ZNF736: variants seen among roughly 807,000 people sequenced by gnomAD.
ZNF736 encodes zinc finger protein 736, also known as KRAB-containing zinc-finger repressor protein.
Under a neutral mutation model 11.7 loss-of-function variants are expected in ZNF736, and 6 were observed. The ratio of observed to expected loss-of-function variants is 0.51; its 90% CI spans 0.28 to 1.01. The LOEUF is 1.01. Ranked by LOEUF, ZNF736 falls within the 50% of genes least tolerant of loss-of-function variation. The pLI, the probability that ZNF736 is intolerant of heterozygous loss-of-function variation, is 0.09. For missense variants in ZNF736, 444 were observed against 496.0 expected (o/e 0.90, Z 1.00); for synonymous variants, 139 against 164.7 (o/e 0.84, Z 1.19).
chr7:64,352,634 A>T lies in ZNF736; in HGVS notation c.*3487A>T, dbSNP rs1789503045. ...CTGGTGGTGGTAGCTGGAGACCCTC[A>T]TTGGGAAGTACTTTCCAGTGAGAAG... On this transcript the variant is annotated 3_prime_UTR_variant, in exon 4 of 4. Coordinates refer to ENST00000423484, the MANE Select transcript of ZNF736 (RefSeq NM_001170905.3). The T allele has an allele frequency of 6.6e-6, 1 of 152,354 alleles. No homozygotes were observed. Among genetic ancestry groups the T allele is most frequent in the African/African-American group, 2.4e-5 (1 of 41,462 alleles). 9.4% of individuals were successfully genotyped at this position (152,354 alleles called of 1,614,324 possible). A position where few individuals can be genotyped will look rare whatever the true frequency, so the allele number is the denominator to read the frequency against.
chr7:64,327,358 T>A (rs1363937346), intron 1 of ZNF736, among the ~76,000 whole-genome samples: 1 of 152,212 alleles, frequency 6.6e-6, no homozygotes, highest in Non-Finnish European at 1.5e-5. Context: ...TGTTTCCATT[T>A]GCATGAAATA....
At position 64,336,270 on chromosome 7, in the gene ZNF736, A is replaced by G. The variant is rs1357442356; in HGVS notation, c.15A>G (p.Thr5=). Reference sequence around the variant, plus strand: ...GTTTTGTTTTCCAGGGAGTGTTGACATTCAGGGATGTGGCTGTAGAATTCT... The same window carrying G: ...GTTTTGTTTTCCAGGGAGTGTTGACGTTCAGGGATGTGGCTGTAGAATTCT... MGVL[T]FRDVAVEFSP... Residue 5 remains threonine (T), a synonymous_variant, in exon 2 of 4, where the codon ACA becomes ACG. Coordinates refer to ENST00000423484, the MANE Select transcript of ZNF736 (RefSeq NM_001170905.3). 6.8e-6 allele frequency: 11 copies of G among 1,612,352 alleles called. 1 individual carries two copies. The South Asian group carries it at 1.1e-4, about 16-fold the overall frequency.
intron 1 of ZNF736, among the ~76,000 whole-genome samples, chr7:64,315,551 A>C (rs1229503809): frequency 6.6e-6 from 1 of 152,072 alleles, no homozygotes; most frequent in Non-Finnish European, 1.5e-5. Context: ...GTTGTTTCTC[A>C]AAGTTAATAA....
intron 1 of ZNF736, among the ~76,000 whole-genome samples, chr7:64,319,532 G>A (rs1584264579): frequency 1.1e-5 from 1 of 92,338 alleles, no homozygotes. Context: ...GTCTTGCTCT[G>A]TTGCCCAGAC....
chr7:64,347,613 A>C (rs1217613602), intron 3 of ZNF736, among the ~76,000 whole-genome samples: 2 of 152,178 alleles, frequency 1.3e-5, no homozygotes, highest in African/African-American at 4.8e-5. Context: ...CTCTTGTAAC[A>C]GTCATTTACC....
chr7:64,355,591 C>G lies in ZNF736; in HGVS notation c.*6444C>G, dbSNP rs1789543407. On this transcript the variant is annotated 3_prime_UTR_variant, in exon 4 of 4. Transcript: ENST00000423484. ...TAGGGATGGGGTTTCACCATGTTAG[C>G]TAGGATGGTCTTGATCTCCTGACCT... 6.6e-6 allele frequency: 1 copy of G among 152,066 alleles called. No individual in the cohort carries two copies. 9.4% of individuals were successfully genotyped at this position (152,066 alleles called of 1,614,324 possible). A position where few individuals can be genotyped will look rare whatever the true frequency, so the allele number is the denominator to read the frequency against.
rs1262262199 is a variant in ZNF736, at chr7:64,348,615, A to T, written c.752A>T (p.His251Leu). ...SSTLVKHKRN[H>L]TGDRPYKCEE... ...ACCCTTGTTAAACACAAGAGAAATC[A>T]TACTGGAGACAGACCCTACAAATGT... Residue 251 changes from histidine to leucine, a missense_variant, in exon 4 of 4, where the codon CAT becomes CTT. By Grantham distance (99) the His-to-Leu change is moderately conservative. Coordinates refer to ENST00000423484, the MANE Select transcript of ZNF736 (RefSeq NM_001170905.3). 1 of 1,603,606 alleles carries T rather than the reference A, an allele frequency of 6.2e-7. No homozygotes were observed. Among genetic ancestry groups the T allele is most frequent in the Admixed American group, 1.7e-5 (1 of 58,318 alleles).
chr7:64,318,559 A>G (rs1199025263), intron 1 of ZNF736, among the ~76,000 whole-genome samples: 1 of 152,140 alleles, frequency 6.6e-6, no homozygotes, highest in African/African-American at 2.4e-5. Flanking sequence ...TCATAAAAGC[A>G]ATAAAGTTAA....
chr7:64,315,802 A>C (rs1272702014), intron 1 of ZNF736, among the ~76,000 whole-genome samples: 1 of 152,178 alleles, frequency 6.6e-6, no homozygotes, highest in Non-Finnish European at 1.5e-5. Flanking sequence ...CACATTCCCA[A>C]ATGCCAACTA....
In ZNF736 at chr7:64,349,854, C is replaced by A. The variant is rs1789462699; in HGVS notation, c.*707C>A. The A allele has an allele frequency of 6.6e-6, 1 of 152,124 alleles. No homozygotes were observed. Among genetic ancestry groups the A allele is most frequent in the Non-Finnish European group, 1.5e-5 (1 of 68,050 alleles). 9.4% of individuals were successfully genotyped at this position (152,124 alleles called of 1,614,324 possible). A position where few individuals can be genotyped will look rare whatever the true frequency, so the allele number is the denominator to read the frequency against. On this transcript the variant is annotated 3_prime_UTR_variant, in exon 4 of 4. Transcript: ENST00000423484. ...AGATATGAAATTCTGTGTTGGAATTCTTTTTTTAAGAATGTTGAATATTGG... is the reference window on the plus strand; with the variant it reads ...AGATATGAAATTCTGTGTTGGAATTATTTTTTTAAGAATGTTGAATATTGG...
chr7:64,318,006 C>T (rs1211555669), intron 1 of ZNF736, among the ~76,000 whole-genome samples: 7 of 151,768 alleles, frequency 4.6e-5, no homozygotes, highest in East Asian at 3.9e-4. Flanking sequence ...GTTTTAGTTA[C>T]GAATCTTGGG....
intron 1 of ZNF736, among the ~76,000 whole-genome samples, chr7:64,314,692 G>T (rs1270677877): frequency 1.3e-5 from 2 of 152,146 alleles, no homozygotes; most frequent in Non-Finnish European, 2.9e-5. Context: ...AGCCCCCCAA[G>T]TAGCTAGGAC....
At chr7:64,331,710 G>A (rs568620839) in intron 1 of ZNF736, among the ~76,000 whole-genome samples, 5 of 152,278 alleles carry the variant, frequency 3.3e-5, no homozygotes, top group African/African-American at 7.2e-5. Context: ...AATCACGAGC[G>A]CTTTCAGATA....
At chr7:64,330,957 C>G (rs1789157490) in intron 1 of ZNF736, among the ~76,000 whole-genome samples, 2 of 152,304 alleles carry the variant, frequency 1.3e-5, no homozygotes, top group African/African-American at 2.4e-5. Flanking sequence ...CTTCTCTCCC[C>G]TTTCCTCAAG....
intron 3 of ZNF736, among the ~76,000 whole-genome samples, chr7:64,344,222 A>G (rs554580074): frequency 6.6e-6 from 1 of 152,296 alleles, no homozygotes; most frequent in African/African-American, 2.4e-5. Flanking sequence ...GAATCACTTG[A>G]ACCTGGGAGG....
At chr7:64,325,849 G>C (rs995159883) in intron 1 of ZNF736, among the ~76,000 whole-genome samples, 3 of 152,072 alleles carry the variant, frequency 2.0e-5, no homozygotes, top group African/African-American at 7.2e-5. Context: ...CTGTCCTACA[G>C]TAGGTAACTT....
intron 1 of ZNF736, among the ~76,000 whole-genome samples, chr7:64,318,801 C>T (rs1788953819): frequency 6.6e-6 from 1 of 152,042 alleles, no homozygotes; most frequent in South Asian, 2.1e-4. Flanking sequence ...ATAACTTACT[C>T]ATGTTTGTAT....
intron 1 of ZNF736, among the ~76,000 whole-genome samples, chr7:64,334,182 C>T (rs1443803460): frequency 1.3e-5 from 2 of 152,130 alleles, no homozygotes; most frequent in Non-Finnish European, 2.9e-5. Context: ...AAACCTAAAA[C>T]CATGAAAACT....
rs1382992766 is a variant in ZNF736 at position 64,349,913 on chromosome 7, G to C, written c.*766G>C. ...ATCTCTTTTGACTTGTAGGATTTCAGCTGAAAGATTTGTTGTTTTCCTGAT... is the reference window on the plus strand; with the variant it reads ...ATCTCTTTTGACTTGTAGGATTTCACCTGAAAGATTTGTTGTTTTCCTGAT... On this transcript the variant is annotated 3_prime_UTR_variant, in exon 4 of 4. Transcript: ENST00000423484. 1 of 152,176 alleles carries C rather than the reference G, an allele frequency of 6.6e-6. No individual in the cohort carries two copies. Among genetic ancestry groups the C allele is most frequent in the Non-Finnish European group, 1.5e-5 (1 of 68,054 alleles). 9.4% of individuals were successfully genotyped at this position (152,176 alleles called of 1,614,324 possible).
Sources: allele counts gnomAD v4.1 joint callset (sites outside exome capture counted in the v4.1 genomes callset), GRCh38; gene constraint gnomAD v4.1.1; transcripts MANE v1.5; gene names NCBI Gene and HGNC (gene_info 2026-07-23, HGNC 2026-07-21).